WDR27: variants seen among roughly 807,000 people sequenced by gnomAD.
The protein encoded by WDR27 is WD repeat-containing protein 27.
WDR27 carries 100 observed loss-of-function variants against 114.4 expected under a neutral mutation model. The ratio of observed to expected loss-of-function variants is 0.87; its 90% CI spans 0.74 to 1.03. The LOEUF (loss-of-function observed/expected upper bound fraction) is 1.03, where lower values mean the gene tolerates loss of function less well. WDR27 is among the 50% of genes least tolerant of loss of function. The pLI is 0.00. For synonymous variants in WDR27, 449 were observed against 423.1 expected (o/e 1.06, Z -0.75); for missense variants, 1,129 against 1,092.9 (o/e 1.03, Z -0.47).
At chr6:169,651,786 C>T (rs1003509823) in intron 14 of WDR27, 144 bp downstream of exon 14, 12 of 700,490 alleles carry the variant, frequency 1.7e-5, no homozygotes, top group Non-Finnish European at 2.3e-5. Flanking sequence ...GTCCAACCCA[C>T]CACATTTTAA....
At position 169,666,446 on chromosome 6, in the gene WDR27, CCTAA is replaced by C. The variant is rs1450012764; in HGVS notation, c.712+686_712+689del. The C allele has an allele frequency of 9.1e-6, 9 of 985,274 alleles. No homozygotes were observed. The African/African-American group carries it at 1.2e-4, about 13-fold the overall frequency. 61.0% of individuals were successfully genotyped at this position (985,274 alleles called of 1,614,324 possible). On this transcript the variant is annotated intron_variant, in intron 6 of 25. Transcript: ENST00000448612. ...TGGAAGAACGCTCTCCTTTTAATTCCCTAACTCTCTTCTTCTGGGAAGACAGAAC... is the reference window on the plus strand; with the variant it reads ...TGGAAGAACGCTCTCCTTTTAATTCCCTCTCTTCTTCTGGGAAGACAGAAC...
the WDR27 span, among the ~76,000 whole-genome samples, chr6:169,441,673 C>G: frequency 6.6e-6 from 1 of 152,212 alleles, no homozygotes; most frequent in Non-Finnish European, 1.5e-5. Flanking sequence ...TGTCACTCAC[C>G]AATCCGAGCT....
In WDR27 at chr6:169,651,178, C is replaced by CGGGGG. The variant is rs200606067; in HGVS notation, c.1481+751_1481+752insCCCCC. On this transcript the variant is annotated intron_variant, in intron 14 of 25. Transcript: ENST00000448612. Reference sequence around the variant, plus strand: ...GATTTCTGCCTGGAGCACAGCAGTGCGGGGCGGGGGGGGGGAGTGGGGGAG... The same window carrying CGGGGG: ...GATTTCTGCCTGGAGCACAGCAGTGCGGGGGGGGGCGGGGGGGGGGAGTGGGGGAG... Among the ~76,000 whole-genome samples, 9 of 3,394 alleles carry CGGGGG rather than the reference C, an allele frequency of 2.7e-3. 1 individual carries two copies. Among genetic ancestry groups the CGGGGG allele is most frequent in the African/African-American group, 0.01 (5 of 480 alleles). The allele number at this position is 3,394 out of a possible 152,430, so 2.2% of individuals were successfully genotyped here. A position where few individuals can be genotyped will look rare whatever the true frequency, so the allele number is the denominator to read the frequency against.
At chr6:169,657,914 A>T (rs1048475315) in intron 13 of WDR27, 3 of 201,770 alleles carry the variant, frequency 1.5e-5, no homozygotes, top group Admixed American at 1.0e-4. Context: ...CACGCTCGGG[A>T]TCTGCTTTCA....
chr6:169,538,669 G>A (rs1796474110), intron 25 of WDR27, among the ~76,000 whole-genome samples: 1 of 148,410 alleles, frequency 6.7e-6, no homozygotes, highest in South Asian at 2.1e-4. Context: ...ATTTATATAG[G>A]CCTGCAACAT....
Position 169,659,589 on chromosome 6 carries a change from C to T in WDR27, c.1130-71G>A. On this transcript the variant is annotated intron_variant, in intron 10 of 25. Transcript: ENST00000448612. This position sits in a 1 kb window ranked among gnomAD's most constrained non-coding sequence, Gnocchi z 4.3. ...AGCACATACACACGGAGTCACTGCC[C>T]AGAGCCCACCACACACAGCCCAGAG... is the stretch of plus-strand genomic sequence containing the variant. 2 of 1,439,658 alleles carry T rather than the reference C, an allele frequency of 1.4e-6. No individual in the cohort carries two copies. Among genetic ancestry groups the T allele is most frequent in the Middle Eastern group, 1.8e-4 (1 of 5,580 alleles). 89.2% of individuals were successfully genotyped at this position (1,439,658 alleles called of 1,614,324 possible). A position where few individuals can be genotyped will look rare whatever the true frequency, so the allele number is the denominator to read the frequency against.
At chr6:169,451,808 T>C in the WDR27 span, among the ~76,000 whole-genome samples, 2 of 152,354 alleles carry the variant, frequency 1.3e-5, no homozygotes, top group East Asian at 1.9e-4. Context: ...TTCTTTCATA[T>C]TGTCATATAT....
At chr6:169,692,715 T>C (rs1357142199) in intron 1 of WDR27, among the ~76,000 whole-genome samples, 2 of 152,088 alleles carry the variant, frequency 1.3e-5, no homozygotes, top group East Asian at 3.9e-4. Flanking sequence ...CACAATCCCC[T>C]CTGGAACATA....
At chr6:169,619,093 A>G (rs1812547295) in intron 21 of WDR27, among the ~76,000 whole-genome samples, 1 of 152,214 alleles carries the variant, frequency 6.6e-6, no homozygotes, top group African/African-American at 2.4e-5. Context: ...GAAAGACCAC[A>G]TAGATTTGAC....
At chr6:169,481,267 G>T (rs1788010184) in intron 25 of WDR27, among the ~76,000 whole-genome samples, 1 of 152,194 alleles carries the variant, frequency 6.6e-6, no homozygotes, top group Non-Finnish European at 1.5e-5. Context: ...CTCAGGGATT[G>T]TAAATGCACC....
chr6:169,690,981 C>A (rs554569428), intron 1 of WDR27, among the ~76,000 whole-genome samples: 1 of 152,140 alleles, frequency 6.6e-6, no homozygotes. Context: ...TTTGGGAGGC[C>A]GAGGCGGGCG....
chr6:169,590,445 T>G (rs1276623865), intron 23 of WDR27, among the ~76,000 whole-genome samples: 1 of 152,258 alleles, frequency 6.6e-6, no homozygotes, highest in East Asian at 1.9e-4. Context: ...AAAAGTAAAC[T>G]ATTCTCAGAA....
intron 8 of WDR27, among the ~76,000 whole-genome samples, chr6:169,662,655 A>ATG (rs1826581098): frequency 8.2e-6 from 1 of 122,112 alleles, no homozygotes. Context: ...CATGACGCGC[A>ATG]TGCACCGCGG....
intron 22 of WDR27, among the ~76,000 whole-genome samples, chr6:169,607,372 T>C (rs569738107): frequency 4.2e-4 from 63 of 149,468 alleles, no homozygotes; most frequent in Non-Finnish European, 7.8e-4. Context: ...ATAAAGAAAA[T>C]GTAGTATACT....
At chr6:169,664,541 G>A in intron 7 of WDR27, 2 of 1,347,442 alleles carry the variant, frequency 1.5e-6, no homozygotes, top group Non-Finnish European at 9.5e-7. Context: ...CTACTGTGCA[G>A]GCCTCCCCAA....
At chr6:169,603,974 A>C (rs1384877224) in intron 22 of WDR27, among the ~76,000 whole-genome samples, 1 of 152,216 alleles carries the variant, frequency 6.6e-6, no homozygotes, top group Non-Finnish European at 1.5e-5. Context: ...TCAAGAGGAA[A>C]GTTTATACCA....
rs1451937828 is a variant in WDR27, at chr6:169,702,014, G to A, written c.-471C>T. On this transcript the variant is annotated 5_prime_UTR_variant, in exon 1 of 26. Coordinates refer to ENST00000448612, the MANE Select transcript of WDR27 (RefSeq NM_182552.5). ...TATGGTTACTTGCCAGCCGACCCACGCGAGCCGCTATGGTTACTAGCCCGC... is the reference window on the plus strand; with the variant it reads ...TATGGTTACTTGCCAGCCGACCCACACGAGCCGCTATGGTTACTAGCCCGC... 1.4e-5 allele frequency: 6 copies of A among 432,070 alleles called. No homozygotes were observed. The highest frequency in any genetic ancestry group is 2.3e-5 in the Non-Finnish European group (5 of 215,170). The allele number at this position is 432,070 out of a possible 1,614,324, so 26.8% of individuals were successfully genotyped here. A position where few individuals can be genotyped will look rare whatever the true frequency, so the allele number is the denominator to read the frequency against.
At chr6:169,599,840 TA>T (rs1807587248) in intron 23 of WDR27, among the ~76,000 whole-genome samples, 1 of 152,182 alleles carries the variant, frequency 6.6e-6, no homozygotes, top group Non-Finnish European at 1.5e-5. Flanking sequence ...CTAGTTCTTT[TA>T]ATTGTGATGT....
intron 15 of WDR27, among the ~76,000 whole-genome samples, chr6:169,648,665 A>C (rs950125230): frequency 1.3e-5 from 2 of 152,228 alleles, no homozygotes; most frequent in Admixed American, 6.5e-5. Context: ...AGTAGCCCAT[A>C]TCTCTCCTCG....
Sources: gnomAD v4.1 joint callset for allele counts (sites outside exome capture counted in the v4.1 genomes callset) on GRCh38, gnomAD v4.1.1 for gene constraint, Gnocchi (gnomAD v3.1) non-coding constraint, MANE v1.5 for transcripts, NCBI Gene and HGNC (gene_info 2026-07-23, HGNC 2026-07-21) for gene names.